The following COL22A1 variants were observed in gnomAD, a reference collection of about 807,000 sequenced individuals.
COL22A1 encodes collagen alpha-1(XXII) chain.
Under a neutral mutation model 248.9 loss-of-function variants are expected in COL22A1, and 221 were observed. The ratio of observed to expected loss-of-function variants is 0.89; its 90% confidence interval spans 0.80 to 0.99. The LOEUF (loss-of-function observed/expected upper bound fraction) is 0.99. Among genes scored for constraint, COL22A1 ranks in the 50% least tolerant of loss-of-function variants. COL22A1 has a pLI of 0.00. For synonymous variants in COL22A1, 891 were observed against 793.4 expected (o/e 1.12, Z -2.07); for missense variants, 2,240 against 2,179.0 (o/e 1.03, Z -0.56).
At chr8:138,636,189 G>A (rs1034684855) in intron 48 of COL22A1, among the ~76,000 whole-genome samples, 8 of 152,108 alleles carry the variant, frequency 5.3e-5, no homozygotes, top group African/African-American at 1.9e-4. Context: ...AGCTGGTTGT[G>A]CTGGATAGAG....
intron 52 of COL22A1, among the ~76,000 whole-genome samples, chr8:138,623,290 G>A (rs1044137608): frequency 7.0e-6 from 1 of 143,750 alleles, no homozygotes; most frequent in African/African-American, 2.6e-5. Context: ...GTGTGTGTGT[G>A]TGTGTGTAAT....
intron 12 of COL22A1, among the ~76,000 whole-genome samples, chr8:138,793,372 G>A (rs1379461881): frequency 6.6e-6 from 1 of 152,150 alleles, no homozygotes; most frequent in Non-Finnish European, 1.5e-5. Context: ...AGAGCCCTAG[G>A]GGGCAAAGGC....
At chr8:138,737,613 G>A (rs745821839) in intron 22 of COL22A1, 36 bp from the exon 23 acceptor site, 5 of 1,466,600 alleles carry the variant, frequency 3.4e-6, no homozygotes, top group Non-Finnish European at 4.8e-6. Flanking sequence ...TTAACAAGCA[G>A]GCAATTGTCA....
rs1400901091 is a variant in COL22A1 at position 138,689,155 on chromosome 8, T to TC, written c.2809-186dup. ...TCCTCCCTGCCCATGACTGCTGCTC[T>TC]CCCGGGGGGGGGGCTGGCCTTGTAA... On this transcript the variant is annotated intron_variant, in intron 36 of 64. Transcript: ENST00000303045. Among the ~76,000 whole-genome samples the TC allele has an allele frequency of 3.5e-5, 3 of 86,714 alleles. No homozygotes were observed. The South Asian group carries it at 1.1e-3, about 31-fold the overall frequency. 56.9% of individuals were successfully genotyped at this position (86,714 alleles called of 152,430 possible). A position where few individuals can be genotyped will look rare whatever the true frequency, so the allele number is the denominator to read the frequency against.
At chr8:138,879,690 C>CAAAAAAAAAAA (rs372214665) in intron 2 of COL22A1, among the ~76,000 whole-genome samples, 4 of 99,042 alleles carry the variant, frequency 4.0e-5, no homozygotes, top group African/African-American at 4.5e-5. Context: ...GACACTCTCT[C>CAAAAAAAAAAA]AAAAAAAAAA....
At chr8:138,839,174 G>A (rs1177272460) in intron 4 of COL22A1, among the ~76,000 whole-genome samples, 1 of 152,196 alleles carries the variant, frequency 6.6e-6, no homozygotes, top group Admixed American at 6.5e-5. Context: ...TTTGTGGAAG[G>A]AGAGAAGAAG....
intron 47 of COL22A1, 151 bp downstream of exon 47, chr8:138,646,478 A>C: frequency 1.9e-6 from 1 of 520,766 alleles, no homozygotes; most frequent in Non-Finnish European, 3.3e-6. Context: ...CATGGTCAAT[A>C]GGATAGTCAG....
intron 56 of COL22A1, among the ~76,000 whole-genome samples, chr8:138,611,682 G>A (rs1003527086): frequency 6.6e-6 from 1 of 152,218 alleles, no homozygotes; most frequent in Non-Finnish European, 1.5e-5. Flanking sequence ...CCGTGGGGTT[G>A]ATATCACCCC....
intron 44 of COL22A1, 149 bp from the exon 45 acceptor site, chr8:138,656,093 C>A (rs1198474203): frequency 1.1e-5 from 7 of 660,738 alleles, no homozygotes; most frequent in Non-Finnish European, 1.8e-5. Context: ...AGTGGATGTC[C>A]CAAGCCTGGG....
intron 14 of COL22A1, 82 bp from the exon 15 acceptor site, chr8:138,778,488 G>C: frequency 1.5e-6 from 2 of 1,295,842 alleles, no homozygotes; most frequent in South Asian, 1.5e-5. Context: ...CCAGTCCCAC[G>C]TTTGGTGACA....
At chr8:138,661,958 G>T in intron 43 of COL22A1, 72 bp downstream of exon 43, 1 of 1,186,236 alleles carries the variant, frequency 8.4e-7, no homozygotes, top group Non-Finnish European at 1.2e-6. Flanking sequence ...GAGGCCAGGA[G>T]ATGGTGGAGG....
rs1820174878 is a variant in COL22A1, at chr8:138,833,132, A to G, written c.752T>C (p.Leu251Ser). ...CCCCAAGATTTCCTTCACACTGAACAAATCCATCAGGTCAAAACCTGTACA... is the reference window on the plus strand; with the variant it reads ...CCCCAAGATTTCCTTCACACTGAACGAATCCATCAGGTCAAAACCTGTACA... ...KEITGFDLMD[L>S]FSVKEILGKR... Residue 251 changes from leucine (L) to serine (S), a missense_variant, in exon 5 of 65, where the codon TTG (leucine) becomes TCG (serine). Physicochemically the swap from Leu to Ser is moderately radical, Grantham distance 145 (BLOSUM62 -2). Transcript: ENST00000303045. 2.5e-6 allele frequency: 4 copies of G among 1,612,868 alleles called. No homozygotes were observed. The highest frequency in any genetic ancestry group is 3.4e-6 in the Non-Finnish European group (4 of 1,178,908).
chr8:138,762,393 C>T lies in COL22A1; in HGVS notation c.1857+20G>A, dbSNP rs1271809298. ...TGACCGCTGATGAAACCTAGCCCAA[C>T]AGCGCCAGCACCCACCTACCTGCTG... On this transcript the variant is annotated intron_variant, in intron 17 of 64. Coordinates refer to ENST00000303045, the MANE Select transcript of COL22A1 (RefSeq NM_152888.3). 2 of 1,613,666 alleles carry T rather than the reference C, an allele frequency of 1.2e-6. No homozygotes were observed. The highest frequency in any genetic ancestry group is 1.1e-5 in the South Asian group (1 of 91,060).
intron 41 of COL22A1, among the ~76,000 whole-genome samples, chr8:138,671,605 T>C (rs1825035188): frequency 6.6e-6 from 1 of 152,352 alleles, no homozygotes; most frequent in South Asian, 2.1e-4. Flanking sequence ...GTCGTGTTTA[T>C]TGCAATACTG....
chr8:138,892,220 C>T (rs925145946), intron 1 of COL22A1, among the ~76,000 whole-genome samples: 3 of 152,124 alleles, frequency 2.0e-5, no homozygotes, highest in Non-Finnish European at 4.4e-5. Flanking sequence ...TGGCTTTCTA[C>T]CCAGAAATAA....
intron 39 of COL22A1, among the ~76,000 whole-genome samples, chr8:138,683,483 T>G (rs1035457331): frequency 6.6e-6 from 1 of 152,186 alleles, no homozygotes; most frequent in African/African-American, 2.4e-5. Context: ...GCATTTCTCT[T>G]TTCCTCCTGT....
chr8:138,704,950 C>G (rs568415939), intron 30 of COL22A1, among the ~76,000 whole-genome samples: 2 of 152,126 alleles, frequency 1.3e-5, no homozygotes, highest in Non-Finnish European at 2.9e-5. Flanking sequence ...CCTGATGGAG[C>G]TGAAAACCAT....
At chr8:138,648,914 C>T (rs1822444188) in intron 46 of COL22A1, among the ~76,000 whole-genome samples, 1 of 152,164 alleles carries the variant, frequency 6.6e-6, no homozygotes, top group Admixed American at 6.5e-5. Flanking sequence ...ACTTTATCTG[C>T]TTAGCTATAT....
rs114182767 is a variant in COL22A1 at position 138,722,049 on chromosome 8, G to A, written c.2288C>T (p.Pro763Leu). ...TCAGTGACCAACCTTGGTTCCTGGCGGACCTGGTGGTCCATTTGGCCCGTC... is the reference window on the plus strand; with the variant it reads ...TCAGTGACCAACCTTGGTTCCTGGCAGACCTGGTGGTCCATTTGGCCCGTC... ...GKDGPNGPPG[P>L]PGTKGEPGER... The change falls in exon 26 of 65, where the codon CCG becomes CTG. Residue 763 changes from proline to leucine, a missense_variant. By Grantham distance (98) the Pro-to-Leu change is moderately conservative. Coordinates refer to ENST00000303045, the MANE Select transcript of COL22A1 (RefSeq NM_152888.3). 2.1e-3 allele frequency: 3,382 copies of A among 1,578,890 alleles called. 78 individuals are homozygous for A. In the African/African-American group the frequency reaches 0.04, roughly 19 times the overall value.
Sources: gnomAD v4.1 joint callset for allele counts (sites outside exome capture counted in the v4.1 genomes callset) on GRCh38, gnomAD v4.1.1 for gene constraint, MANE v1.5 for transcripts, NCBI Gene and HGNC (gene_info 2026-07-23, HGNC 2026-07-21) for gene names.